EPB41L5: variants seen among roughly 807,000 people sequenced by gnomAD.
EPB41L5 encodes the protein band 4.1-like protein 5.
Under a neutral mutation model 106.6 loss-of-function variants are expected in EPB41L5, and 55 were observed. The observed-to-expected ratio is 0.52, with a 90% confidence interval of 0.42 to 0.65. EPB41L5 has a LOEUF of 0.65. Among genes scored for constraint, EPB41L5 ranks in the 30% least tolerant of loss-of-function variants. The pLI, the probability that EPB41L5 is intolerant of heterozygous loss-of-function variation, is 0.00. For synonymous variants in EPB41L5, 297 were observed against 306.7 expected, an observed-to-expected ratio of 0.97 and a Z score of 0.33; for missense variants, 871 against 882.1, an observed-to-expected ratio of 0.99 and a Z score of 0.16.
At chr2:120,106,218 G>A in intron 16 of EPB41L5, 1 of 985,380 alleles carries the variant, frequency 1.0e-6, no homozygotes, top group Non-Finnish European at 1.2e-6. Context: ...GAGAGAAACT[G>A]GATTGGAGGG....
rs540777502 is a variant in EPB41L5 at position 120,110,418 on chromosome 2, T to C, written c.1337+9604T>C. On this transcript the variant is annotated intron_variant, in intron 16 of 24. Transcript: ENST00000263713. ...CATCCAGCATTATGGTTTTAAATGC[T>C]ATCTATACACACTGGCAATTTCTCA... Among the ~76,000 whole-genome samples the C allele has an allele frequency of 9.8e-4, 149 of 152,356 alleles. 2 individuals carry two copies. Among genetic ancestry groups the C allele is most frequent in the Admixed American group, 1.0e-3 (16 of 15,296 alleles).
Position 120,176,869 on chromosome 2 carries a change from A to G in EPB41L5, c.*1962A>G, listed in dbSNP as rs1268100870. 1 of 152,194 alleles carries G rather than the reference A, an allele frequency of 6.6e-6. No individual in the cohort carries two copies. 9.4% of individuals were successfully genotyped at this position (152,194 alleles called of 1,614,324 possible). Reference sequence around the variant, plus strand: ...ACATCCTTATTTTAAACTTCCTAAAATTAGGAATTAGGTAGTTGGACATAG... The same window carrying G: ...ACATCCTTATTTTAAACTTCCTAAAGTTAGGAATTAGGTAGTTGGACATAG... On this transcript the variant is annotated 3_prime_UTR_variant, in exon 25 of 25. Transcript: ENST00000263713.
At chr2:120,122,145 A>T (rs1176181092) in intron 16 of EPB41L5, among the ~76,000 whole-genome samples, 3 of 152,118 alleles carry the variant, frequency 2.0e-5, no homozygotes, top group African/African-American at 7.2e-5. Flanking sequence ...CTCTGATGGT[A>T]GTTTCTTTTG....
chr2:120,166,400 C>CTTAT (rs1419556706), intron 22 of EPB41L5, among the ~76,000 whole-genome samples: 23 of 151,396 alleles, frequency 1.5e-4, no homozygotes, highest in Middle Eastern at 3.5e-3. Context: ...TTTTTTCTCT[C>CTTAT]TTATTTCCTG....
At chr2:120,049,981 G>A (rs1227529421) in intron 3 of EPB41L5, among the ~76,000 whole-genome samples, 1 of 152,136 alleles carries the variant, frequency 6.6e-6, no homozygotes, top group East Asian at 1.9e-4. Context: ...TAAGAATGTT[G>A]AATATTGGCC....
At chr2:120,139,512 G>A (rs1686080328) in intron 18 of EPB41L5, among the ~76,000 whole-genome samples, 1 of 151,858 alleles carries the variant, frequency 6.6e-6, no homozygotes, top group African/African-American at 2.4e-5. Context: ...TTTAAAATGG[G>A]CAAAAAATCT....
chr2:120,015,137 C>CA (rs2105103349), intron 1 of EPB41L5, among the ~76,000 whole-genome samples: 1 of 151,232 alleles, frequency 6.6e-6, no homozygotes, highest in East Asian at 2.0e-4. Context: ...TCCTGGCTAA[C>CA]ACGGTGAAAC....
At chr2:120,045,817 C>T (rs182021351) in intron 3 of EPB41L5, among the ~76,000 whole-genome samples, 4 of 151,324 alleles carry the variant, frequency 2.6e-5, no homozygotes, top group African/African-American at 4.9e-5. Flanking sequence ...CCTCCCCCGT[C>T]CCCCCCTCAA....
At chr2:120,107,035 C>G in intron 16 of EPB41L5, 1 of 547,624 alleles carries the variant, frequency 1.8e-6, no homozygotes, top group Non-Finnish European at 2.3e-6. Context: ...AAAGTGTTGG[C>G]CAAAAAATGT....
intron 11 of EPB41L5, among the ~76,000 whole-genome samples, chr2:120,088,568 C>G (rs1683217486): frequency 6.6e-6 from 1 of 152,106 alleles, no homozygotes; most frequent in Admixed American, 6.5e-5. Flanking sequence ...AACAAACCTT[C>G]TCTTGTACCC....
chr2:120,179,029 T>G lies in EPB41L5; in HGVS notation c.*4122T>G, dbSNP rs906739686. The G allele has an allele frequency of 1.1e-4, 17 of 152,248 alleles. No individual in the cohort carries two copies. The highest frequency in any genetic ancestry group is 3.6e-4 in the African/African-American group (15 of 41,474). 9.4% of individuals were successfully genotyped at this position (152,248 alleles called of 1,614,324 possible). ...TTAGTGTGTTCCAGTTTTATATGACTTGTATTAGAAACACTGCACTGAGTT... is the reference window on the plus strand; with the variant it reads ...TTAGTGTGTTCCAGTTTTATATGACGTGTATTAGAAACACTGCACTGAGTT... On this transcript the variant is annotated 3_prime_UTR_variant, in exon 25 of 25. Transcript: ENST00000263713.
At chr2:120,055,346 T>C (rs1423838763) in intron 3 of EPB41L5, among the ~76,000 whole-genome samples, 1 of 152,200 alleles carries the variant, frequency 6.6e-6, no homozygotes. Context: ...CTTATCCATT[T>C]ATGCAAAAAA....
Position 120,110,131 on chromosome 2 carries a change from A to G in EPB41L5, c.1337+9317A>G, listed in dbSNP as rs145043927. Among the ~76,000 whole-genome samples, 145 of 152,348 alleles carry G rather than the reference A, an allele frequency of 9.5e-4. 1 individual carries two copies. Among genetic ancestry groups the G allele is most frequent in the African/African-American group, 3.3e-3 (139 of 41,586 alleles). On this transcript the variant is annotated intron_variant, in intron 16 of 24. Transcript: ENST00000263713. ...ACCAAAATAGCTTTATTAGATCACAAATGACCTGCATATTTCTAATCCCAC... is the reference window on the plus strand; with the variant it reads ...ACCAAAATAGCTTTATTAGATCACAGATGACCTGCATATTTCTAATCCCAC...
In EPB41L5 at chr2:120,087,445, A is replaced by C. The variant is rs1193455774; in HGVS notation, c.873+205A>C. Among the ~76,000 whole-genome samples the C allele has an allele frequency of 2.0e-5, 3 of 152,346 alleles. No individual in the cohort carries two copies. The East Asian group carries it at 5.8e-4, about 29-fold the overall frequency. On this transcript the variant is annotated intron_variant, in intron 11 of 24. Coordinates refer to ENST00000263713, the MANE Select transcript of EPB41L5 (RefSeq NM_020909.4). Reference sequence around the variant, plus strand: ...TGCCCTTAGGATGAAAAATAATATAAAAGTGTCTTCTTGTTTCCTCATTGA... The same window carrying C: ...TGCCCTTAGGATGAAAAATAATATACAAGTGTCTTCTTGTTTCCTCATTGA...
intron 2 of EPB41L5, among the ~76,000 whole-genome samples, chr2:120,038,777 T>A (rs1319751857): frequency 6.6e-6 from 1 of 151,964 alleles, no homozygotes; most frequent in African/African-American, 2.4e-5. Flanking sequence ...AATATATAAA[T>A]AGTTAAACAC....
intron 2 of EPB41L5, among the ~76,000 whole-genome samples, chr2:120,020,596 A>G (rs1415496367): frequency 4.3e-5 from 1 of 23,152 alleles, no homozygotes; most frequent in Non-Finnish European, 1.8e-4. Flanking sequence ...ACATTCCAAC[A>G]TGAGATATTT....
chr2:120,104,934 T>G (rs1684363109), intron 16 of EPB41L5: 1 of 978,192 alleles, frequency 1.0e-6, no homozygotes, highest in African/African-American at 1.8e-5. Flanking sequence ...TAACCAGTGG[T>G]TAACTGAATG....
At chr2:120,036,772 G>T (rs1679066303) in intron 2 of EPB41L5, among the ~76,000 whole-genome samples, 1 of 152,144 alleles carries the variant, frequency 6.6e-6, no homozygotes, top group Admixed American at 6.5e-5. Context: ...ATTAGGATCA[G>T]TTAAGGTGAA....
chr2:120,057,445 T>G (rs1680733203), intron 3 of EPB41L5, among the ~76,000 whole-genome samples: 1 of 152,216 alleles, frequency 6.6e-6, no homozygotes, highest in Non-Finnish European at 1.5e-5. Context: ...AAAATGCACA[T>G]ACACATAACG....
Sources: gnomAD v4.1 joint callset for allele counts (sites outside exome capture counted in the v4.1 genomes callset) on GRCh38, gnomAD v4.1.1 for gene constraint, MANE v1.5 for transcripts, NCBI Gene and HGNC (gene_info 2026-07-23, HGNC 2026-07-21) for gene names.